The following CDH8 variants were observed in gnomAD, a reference collection of about 807,000 sequenced individuals.
CDH8 encodes cadherin-8.
Under a neutral mutation model 68.1 loss-of-function variants are expected in CDH8, and 17 were observed. The observed-to-expected ratio is 0.25, with a 90% CI of 0.17 to 0.37. The LOEUF (loss-of-function observed/expected upper bound fraction) is 0.37, where lower values mean the gene tolerates loss of function less well. CDH8 is among the 10% of genes least tolerant of loss of function. CDH8 has a pLI of 1.00. For synonymous variants in CDH8, 372 were observed against 365.1 expected (o/e 1.02, Z -0.21); for missense variants, 763 against 999.3 (o/e 0.76, Z 3.19).
At position 61,904,746 on chromosome 16, in the gene CDH8, A is replaced by G. The variant is rs149439723; in HGVS notation, c.253-3273T>C. 9.9e-4 allele frequency among the ~76,000 whole-genome samples: 151 copies of G among 152,322 alleles called. 1 individual carries two copies. The highest frequency in any genetic ancestry group is 3.4e-3 in the African/African-American group (143 of 41,576). ...ATGTAATCATTTCCTTTTTAGAAAC[A>G]AAATGAGCTAAGAATATTTCATGTG... On this transcript the variant is annotated intron_variant, in intron 2 of 11. Coordinates refer to ENST00000577390, the MANE Select transcript of CDH8 (RefSeq NM_001796.5).
chr16:61,918,174 T>G (rs1597064105), intron 2 of CDH8: 1 of 152,242 alleles, frequency 6.6e-6, no homozygotes, highest in South Asian at 2.1e-4. Flanking sequence ...AAAAATATTT[T>G]TATTAACTCT....
intron 10 of CDH8, among the ~76,000 whole-genome samples, chr16:61,665,726 T>C (rs1182157983): frequency 6.6e-6 from 1 of 151,088 alleles, no homozygotes; most frequent in Non-Finnish European, 1.5e-5. Flanking sequence ...TTTATCTGTG[T>C]AATTTATCCC....
chr16:61,966,364 C>T (rs1430336766), intron 2 of CDH8, among the ~76,000 whole-genome samples: 1 of 151,974 alleles, frequency 6.6e-6, no homozygotes, highest in Non-Finnish European at 1.5e-5. Context: ...ATGGTGAAAC[C>T]CCATCTTTAC....
intron 1 of CDH8, among the ~76,000 whole-genome samples, chr16:62,030,375 G>GTT (rs576878439): frequency 2.0e-5 from 3 of 149,122 alleles, no homozygotes; most frequent in Admixed American, 6.7e-5. Flanking sequence ...ATTGTTTTTT[G>GTT]TTTTTTTTTC....
At chr16:61,782,647 A>C (rs2142992681) in intron 8 of CDH8, among the ~76,000 whole-genome samples, 1 of 152,078 alleles carries the variant, frequency 6.6e-6, no homozygotes, top group East Asian at 1.9e-4. Flanking sequence ...GGCACAGACA[A>C]ACAAAAAGAC....
At chr16:61,949,634 A>G (rs1453791770) in intron 2 of CDH8, among the ~76,000 whole-genome samples, 1 of 152,074 alleles carries the variant, frequency 6.6e-6, no homozygotes, top group Admixed American at 6.5e-5. Context: ...CCAACTCTGG[A>G]CACAACATGA....
chr16:61,683,961 T>C (rs1203149073), intron 10 of CDH8, among the ~76,000 whole-genome samples: 2 of 152,022 alleles, frequency 1.3e-5, no homozygotes, highest in Admixed American at 6.6e-5. Context: ...GGGCCCATGT[T>C]TGGTAATTCT....
At chr16:61,707,675 A>G (rs757338050) in intron 10 of CDH8, among the ~76,000 whole-genome samples, 1 of 152,196 alleles carries the variant, frequency 6.6e-6, no homozygotes. Flanking sequence ...TTGTATCTAT[A>G]AAGTGCTGAA....
intron 1 of CDH8, among the ~76,000 whole-genome samples, chr16:62,032,516 AG>A (rs1247671450): frequency 2.0e-5 from 3 of 152,228 alleles, no homozygotes; most frequent in African/African-American, 7.2e-5. Context: ...GAAAACAAAA[AG>A]AAAATTGTTT....
chr16:62,027,644 T>G (rs528089030), intron 1 of CDH8, among the ~76,000 whole-genome samples: 15 of 152,312 alleles, frequency 9.8e-5, no homozygotes, highest in African/African-American at 3.1e-4. Context: ...AAATGCACAT[T>G]GAATTCAAAG....
At chr16:61,957,747 A>AT (rs1463076773) in intron 2 of CDH8, among the ~76,000 whole-genome samples, 3 of 151,968 alleles carry the variant, frequency 2.0e-5, no homozygotes, top group African/African-American at 4.8e-5. Flanking sequence ...TTTCAACGTG[A>AT]TTTTTTTCAT....
At chr16:61,655,752 A>G (rs371269358) in intron 10 of CDH8, 31 bp from the exon 11 acceptor site, 49 of 1,599,598 alleles carry the variant, frequency 3.1e-5, no homozygotes, top group Middle Eastern at 1.7e-4. Flanking sequence ...AATAATTTGC[A>G]TCATTTCAAA....
chr16:61,762,226 A>G (rs1266026516), intron 8 of CDH8, among the ~76,000 whole-genome samples: 3 of 152,174 alleles, frequency 2.0e-5, no homozygotes, highest in Non-Finnish European at 4.4e-5. Flanking sequence ...CGCAATGCAT[A>G]CAAGGACAAT....
intron 3 of CDH8, among the ~76,000 whole-genome samples, chr16:61,863,006 A>C (rs1194250333): frequency 6.6e-6 from 1 of 152,118 alleles, no homozygotes; most frequent in Non-Finnish European, 1.5e-5. Context: ...GAAAGCCCCT[A>C]TTATAATCCA....
At chr16:61,686,353 T>C (rs992470692) in intron 10 of CDH8, among the ~76,000 whole-genome samples, 4 of 152,054 alleles carry the variant, frequency 2.6e-5, no homozygotes, top group East Asian at 3.9e-4. Flanking sequence ...GTTCCCAGAA[T>C]TGATTGCCAC....
rs139121761 is a variant in CDH8 at position 61,801,507 on chromosome 16, G to A, written c.1278-12025C>T. Reference sequence around the variant, plus strand: ...ACAGCTCCGGTCTACAGCTCCCAGCGTGAGCGACGCAGAAGACGGGTGATT... The same window carrying A: ...ACAGCTCCGGTCTACAGCTCCCAGCATGAGCGACGCAGAAGACGGGTGATT... On this transcript the variant is annotated intron_variant, in intron 7 of 11. Transcript: ENST00000577390. 2.2e-3 allele frequency among the ~76,000 whole-genome samples: 341 copies of A among 152,280 alleles called. 14 individuals carry two copies. The East Asian group carries it at 0.057, about 25-fold the overall frequency.
intron 2 of CDH8, among the ~76,000 whole-genome samples, chr16:61,929,860 A>C (rs1964512621): frequency 6.6e-6 from 1 of 152,194 alleles, no homozygotes; most frequent in Non-Finnish European, 1.5e-5. Context: ...ACTGCACTCC[A>C]GCCTGGGTGA....
chr16:61,773,773 G>T (rs1960839879), intron 8 of CDH8, among the ~76,000 whole-genome samples: 1 of 152,078 alleles, frequency 6.6e-6, no homozygotes, highest in Non-Finnish European at 1.5e-5. Context: ...AAAAGGAGCA[G>T]GCATAACTTA....
chr16:61,679,810 C>T (rs1339655238), intron 10 of CDH8, among the ~76,000 whole-genome samples: 2 of 151,882 alleles, frequency 1.3e-5, no homozygotes, highest in Non-Finnish European at 2.9e-5. Context: ...TCTAATTCTA[C>T]CCAAATGACT....
Sources: gnomAD v4.1 joint callset for allele counts (sites outside exome capture counted in the v4.1 genomes callset) on GRCh38, gnomAD v4.1.1 for gene constraint, MANE v1.5 for transcripts, NCBI Gene and HGNC (gene_info 2026-07-23, HGNC 2026-07-21) for gene names.